The following ARHGEF3 variants were observed in gnomAD, a reference collection of about 807,000 sequenced individuals.
The protein encoded by ARHGEF3 is Rho guanine nucleotide exchange factor 3, also known as 59.8 kDA protein.
Under a neutral mutation model 63.2 loss-of-function variants are expected in ARHGEF3, and 28 were observed. The observed-to-expected ratio is 0.44, with a 90% CI of 0.33 to 0.61. The LOEUF (loss-of-function observed/expected upper bound fraction) is 0.61, where lower values mean the gene tolerates loss of function less well. ARHGEF3 is among the 20% of genes least tolerant of loss of function. The pLI, the probability that ARHGEF3 is intolerant of heterozygous loss-of-function variation, is 0.03. For synonymous variants in ARHGEF3, 266 were observed against 254.2 expected (o/e 1.05, Z -0.44); for missense variants, 533 against 659.3 (o/e 0.81, Z 2.10).
Position 56,780,653 on chromosome 3 carries a change from C to G in ARHGEF3, c.97-6837G>C, listed in dbSNP as rs2036521146. Among the ~76,000 whole-genome samples, 3 of 152,244 alleles carry G rather than the reference C, an allele frequency of 2.0e-5. 1 individual carries two copies. The South Asian group carries it at 6.2e-4, about 32-fold the overall frequency. On this transcript the variant is annotated intron_variant, in intron 1 of 9. Transcript: ENST00000296315. The stretch of plus-strand genomic sequence containing the variant: ...CTTGTTGTCTTTCATGATCTTATAG[C>G]AAAATACTAGAGCTCTCTAATTGAC...
At chr3:56,809,801 C>T (rs1378011028) in intron 4 of ARHGEF3, among the ~76,000 whole-genome samples, 4 of 151,838 alleles carry the variant, frequency 2.6e-5, no homozygotes, top group Admixed American at 1.3e-4. Flanking sequence ...GGTGCAATCT[C>T]GGTTCAGTGC....
At chr3:56,968,033 A>C (rs1464716550) in intron 2 of ARHGEF3, among the ~76,000 whole-genome samples, 3 of 18,794 alleles carry the variant, frequency 1.6e-4, no homozygotes, top group East Asian at 3.2e-3. Context: ...TATATATTTA[A>C]TATATATAAA....
At chr3:56,736,406 T>G (rs1283990513) in intron 8 of ARHGEF3, among the ~76,000 whole-genome samples, 1 of 152,202 alleles carries the variant, frequency 6.6e-6, no homozygotes, top group Non-Finnish European at 1.5e-5. Context: ...TGGGTATCTA[T>G]AGGTCAAAGC....
chr3:57,036,663 G>T (rs1405518851), intron 1 of ARHGEF3, among the ~76,000 whole-genome samples: 4 of 152,196 alleles, frequency 2.6e-5, no homozygotes, highest in Non-Finnish European at 5.9e-5. Flanking sequence ...ACAGCCATCA[G>T]TTTCAACTGT....
In ARHGEF3 at chr3:57,055,965, G is replaced by A. The variant is rs117677364; in HGVS notation, c.-27-20789C>T. Among the ~76,000 whole-genome samples, 13 of 152,328 alleles carry A rather than the reference G, an allele frequency of 8.5e-5. No homozygotes were observed. In the East Asian group the frequency reaches 2.5e-3, roughly 29 times the overall value. On this transcript the variant is annotated intron_variant, in intron 1 of 12. Coordinates refer to the ARHGEF3 transcript ENST00000338458. ...ATGTGAATAGGGAAAAGGTAAGACAGCATCTGGCTGTCAGATCTGCTGGGC... is the reference window on the plus strand; with the variant it reads ...ATGTGAATAGGGAAAAGGTAAGACAACATCTGGCTGTCAGATCTGCTGGGC...
intron 2 of ARHGEF3, among the ~76,000 whole-genome samples, chr3:57,018,926 C>T (rs1703131858): frequency 6.6e-6 from 1 of 152,022 alleles, no homozygotes. Context: ...TGTCAGATTC[C>T]AGCATCTGTA....
chr3:56,766,498 G>A (rs2035709871), intron 2 of ARHGEF3, among the ~76,000 whole-genome samples: 1 of 152,212 alleles, frequency 6.6e-6, no homozygotes, highest in Non-Finnish European at 1.5e-5. Context: ...GAGAGCTTAG[G>A]AGCAGCAATG....
chr3:56,934,670 C>T (rs1486358569), intron 3 of ARHGEF3, among the ~76,000 whole-genome samples: 2 of 152,216 alleles, frequency 1.3e-5, no homozygotes, highest in Non-Finnish European at 2.9e-5. Flanking sequence ...GCGCTGCGCT[C>T]GATTTCTCAC....
At chr3:56,993,653 G>A (rs1701851682) in intron 2 of ARHGEF3, among the ~76,000 whole-genome samples, 1 of 151,962 alleles carries the variant, frequency 6.6e-6, no homozygotes. Context: ...GGGATTACAG[G>A]CATGAGCCAC....
chr3:57,072,363 T>C (rs1452979500), intron 1 of ARHGEF3, among the ~76,000 whole-genome samples: 1 of 151,798 alleles, frequency 6.6e-6, no homozygotes, highest in Non-Finnish European at 1.5e-5. Flanking sequence ...GAGAAATGTA[T>C]ACGGTCAAAG....
At chr3:56,860,258 G>A (rs1196152901) in intron 4 of ARHGEF3, among the ~76,000 whole-genome samples, 1 of 152,024 alleles carries the variant, frequency 6.6e-6, no homozygotes, top group Non-Finnish European at 1.5e-5. Flanking sequence ...GCTCACTGCA[G>A]CCTCAAATTC....
At chr3:56,872,256 C>T (rs2108226803) in intron 4 of ARHGEF3, among the ~76,000 whole-genome samples, 1 of 152,270 alleles carries the variant, frequency 6.6e-6, no homozygotes, top group Non-Finnish European at 1.5e-5. Flanking sequence ...CTCCTCATCC[C>T]CACAATTCCA....
intron 3 of ARHGEF3, among the ~76,000 whole-genome samples, chr3:56,905,564 G>A (rs937224691): frequency 4.6e-5 from 7 of 152,200 alleles, no homozygotes; most frequent in African/African-American, 1.7e-4. Context: ...ACGCATAAGA[G>A]ACTCTGTAGC....
chr3:57,017,077 C>A (rs1703052554), intron 2 of ARHGEF3, among the ~76,000 whole-genome samples: 1 of 147,818 alleles, frequency 6.8e-6, no homozygotes, highest in Admixed American at 6.8e-5. Flanking sequence ...AGTCACCAAA[C>A]AAAAGGAAAT....
chr3:56,830,891 G>C (rs1395102097), intron 4 of ARHGEF3, among the ~76,000 whole-genome samples: 2 of 152,076 alleles, frequency 1.3e-5, no homozygotes, highest in Non-Finnish European at 2.9e-5. Context: ...CCAGCTATAG[G>C]AGATTCTCAA....
intron 2 of ARHGEF3, among the ~76,000 whole-genome samples, chr3:57,024,739 G>A (rs1038263154): frequency 5.9e-5 from 9 of 152,232 alleles, no homozygotes; most frequent in South Asian, 2.1e-4. Flanking sequence ...CGCCCGCCTC[G>A]GCCTCCCAAA....
chr3:56,817,940 G>C (rs2038332260), intron 4 of ARHGEF3, among the ~76,000 whole-genome samples: 1 of 152,152 alleles, frequency 6.6e-6, no homozygotes. Flanking sequence ...TTGGGTTTTG[G>C]TCCCTGTTTA....
In ARHGEF3 at chr3:57,016,347, G is replaced by A. The variant is rs1487298712; in HGVS notation, c.62+18741C>T. On this transcript the variant is annotated intron_variant, in intron 2 of 12. Transcript: ENST00000338458. ...TCATGAGGTCAGGGGTTCAATATCA[G>A]CCTGGTCAAGATAGTGAAACCCTGT... 2.0e-5 allele frequency among the ~76,000 whole-genome samples: 3 copies of A among 150,742 alleles called. No homozygotes were observed. The East Asian group carries it at 5.9e-4, about 30-fold the overall frequency.
chr3:56,821,383 G>A (rs185800603), intron 4 of ARHGEF3, among the ~76,000 whole-genome samples: 1 of 152,176 alleles, frequency 6.6e-6, no homozygotes, highest in East Asian at 1.9e-4. Context: ...AGATCACAAG[G>A]TATCATGATT....
Sources: allele counts gnomAD v4.1 joint callset (sites outside exome capture counted in the v4.1 genomes callset), GRCh38; gene constraint gnomAD v4.1.1; transcripts MANE v1.5; gene names NCBI Gene and HGNC (gene_info 2026-07-23, HGNC 2026-07-21).